Variants in TRIM71 observed in about 807,000 individuals in gnomAD.
TRIM71 encodes tripartite motif containing 71, also known as E3 ubiquitin-protein ligase TRIM71.
TRIM71 carries 9 observed loss-of-function variants against 61.2 expected under a neutral mutation model. The observed-to-expected ratio is 0.15, with a 90% confidence interval of 0.09 to 0.26. TRIM71 has a LOEUF of 0.26. Ranked by LOEUF, TRIM71 falls within the 10% of genes least tolerant of loss-of-function variation. TRIM71 has a pLI of 1.00. For missense variants in TRIM71, 998 were observed against 1,238.7 expected (o/e 0.81, Z 2.92); for synonymous variants, 645 against 553.2 (o/e 1.17, Z -2.33).
Position 32,885,975 on chromosome 3 carries a change from G to A in TRIM71, c.1062G>A (p.Glu354=). 6.2e-7 allele frequency: 1 copy of A among 1,614,190 alleles called. No individual in the cohort carries two copies. The highest frequency in any genetic ancestry group is 8.5e-7 in the Non-Finnish European group (1 of 1,180,028). ...EQAQTVAEQV[E]MKAKVVQSEV... ...CCCAGACGGTGGCGGAACAGGTGGA[G>A]ATGAAGGCGAAGGTTGTGCAGTCGG... Residue 354 remains glutamate (E), a synonymous_variant, in exon 3 of 4, where the codon GAG becomes GAA. Transcript: ENST00000383763.
chr3:32,850,721 G>A (rs1003970438), intron 1 of TRIM71, among the ~76,000 whole-genome samples: 3 of 152,200 alleles, frequency 2.0e-5, no homozygotes, highest in Non-Finnish European at 4.4e-5. Flanking sequence ...TGGAGAGAAC[G>A]CTGCTAAGCA....
At chr3:32,819,836 GGA>G (rs1696107711) in intron 1 of TRIM71, among the ~76,000 whole-genome samples, 1 of 152,230 alleles carries the variant, frequency 6.6e-6, no homozygotes, top group African/African-American at 2.4e-5. Flanking sequence ...CGACTTCCTT[GGA>G]AAAGACCAAG....
chr3:32,892,949 G>T lies in TRIM71; in HGVS notation c.*1138G>T. 6.6e-6 allele frequency: 1 copy of T among 152,280 alleles called. No individual in the cohort carries two copies. The allele number at this position is 152,280 out of a possible 1,614,324, so 9.4% of individuals were successfully genotyped here. The stretch of plus-strand genomic sequence containing the variant: ...GAAAGGGCAGGGTCTGCCCTGACCC[G>T]CGAGTGCATGTTGTTCTGTAGTGCT... On this transcript the variant is annotated 3_prime_UTR_variant, in exon 4 of 4. Coordinates refer to ENST00000383763, the MANE Select transcript of TRIM71 (RefSeq NM_001039111.3).
At chr3:32,829,827 T>C (rs6550162) in intron 1 of TRIM71, among the ~76,000 whole-genome samples, 28,813 of 151,980 alleles carry the variant, frequency 0.19, 2,833 homozygotes, top group Middle Eastern at 0.3. Flanking sequence ...TCTTTCCACA[T>C]TGCTATTTAT....
chr3:32,833,184 T>TA (rs1182178339), intron 1 of TRIM71, among the ~76,000 whole-genome samples: 14,555 of 54,258 alleles, frequency 0.27, 3,058 homozygotes, highest in African/African-American at 0.34. Flanking sequence ...ACTCTGTCTT[T>TA]AAAAAAAAAA....
At chr3:32,872,152 AAAAC>A (rs1436261028) in intron 1 of TRIM71, among the ~76,000 whole-genome samples, 3 of 152,028 alleles carry the variant, frequency 2.0e-5, no homozygotes, top group African/African-American at 4.8e-5. Context: ...CTCTGTCTCA[AAAAC>A]AAACAAATAA....
chr3:32,870,554 T>C (rs765962687), intron 1 of TRIM71, among the ~76,000 whole-genome samples: 1 of 152,126 alleles, frequency 6.6e-6, no homozygotes, highest in African/African-American at 2.4e-5. Flanking sequence ...ACAGGAGGGC[T>C]CTGGTGTCGG....
chr3:32,890,618 A>G lies in TRIM71; in HGVS notation c.1414A>G (p.Ile472Val), dbSNP rs975160648. ...TPPDQALYLA[I>V]KSFGFVSSGA... ...CCCCGATCAGGCACTGTACCTTGCC[A>G]TCAAGTCTTTTGGCTTTGTTAGCAG... Residue 472 changes from isoleucine (I) to valine (V), a missense_variant, in exon 4 of 4, where the codon ATC becomes GTC. By Grantham distance (29) the Ile-to-Val change is conservative (BLOSUM62 3). This residue lies in a region of TRIM71 where 291 missense variants were observed against 431.2 expected (regional missense o/e 0.67). Transcript: ENST00000383763. The surrounding 1 kb of genome is among the most constrained non-coding windows in gnomAD (Gnocchi z 6.2). The G allele has an allele frequency of 1.9e-6, 3 of 1,613,878 alleles. No individual in the cohort carries two copies. The highest frequency in any genetic ancestry group is 2.5e-6 in the Non-Finnish European group (3 of 1,180,054).
chr3:32,840,921 T>C (rs888337838), intron 1 of TRIM71, among the ~76,000 whole-genome samples: 3 of 152,124 alleles, frequency 2.0e-5, no homozygotes, highest in African/African-American at 7.2e-5. Context: ...TTTTATCTTA[T>C]CCACAAACTA....
intron 1 of TRIM71, among the ~76,000 whole-genome samples, chr3:32,831,559 GAC>G (rs1696271448): frequency 1.2e-5 from 1 of 82,368 alleles, no homozygotes; most frequent in East Asian, 3.7e-4. Flanking sequence ...TTTTTTTTGA[GAC>G]AGAGTCTCGC....
chr3:32,874,083 G>A (rs1696827508), intron 2 of TRIM71, 98 bp downstream of exon 2: 3 of 1,331,716 alleles, frequency 2.3e-6, no homozygotes, highest in Admixed American at 2.2e-5. Flanking sequence ...CAGTGTGGGG[G>A]GTGGAATAGT....
chr3:32,893,661 A>C lies in TRIM71; in HGVS notation c.*1850A>C, dbSNP rs1697050654. 2 of 152,236 alleles carry C rather than the reference A, an allele frequency of 1.3e-5. No individual in the cohort carries two copies. The highest frequency in any genetic ancestry group is 2.4e-5 in the African/African-American group (1 of 41,464). The allele number at this position is 152,236 out of a possible 1,614,324, so 9.4% of individuals were successfully genotyped here. A position where few individuals can be genotyped will look rare whatever the true frequency, so the allele number is the denominator to read the frequency against. The stretch of plus-strand genomic sequence containing the variant: ...TGCAAAATGGGTATCGTTTTAAATG[A>C]GCAGAACAGATTAACAAATGGAGCA... On this transcript the variant is annotated 3_prime_UTR_variant, in exon 4 of 4. Transcript: ENST00000383763.
At chr3:32,887,928 C>T (rs184681744) in intron 3 of TRIM71, among the ~76,000 whole-genome samples, 4 of 152,312 alleles carry the variant, frequency 2.6e-5, no homozygotes, top group African/African-American at 7.2e-5. Context: ...GACGCTTATT[C>T]TGAAATAGCC....
chr3:32,827,959 C>G (rs748818847), intron 1 of TRIM71, among the ~76,000 whole-genome samples: 1 of 152,176 alleles, frequency 6.6e-6, no homozygotes, highest in South Asian at 2.1e-4. Flanking sequence ...TCTTTTGGGA[C>G]TAATTGGGAT....
At chr3:32,882,770 G>T (rs534039187) in intron 2 of TRIM71, among the ~76,000 whole-genome samples, 7 of 152,208 alleles carry the variant, frequency 4.6e-5, no homozygotes, top group Non-Finnish European at 1.0e-4. Context: ...TCAAACTCGT[G>T]GGCTTAAGCT....
At chr3:32,850,036 CAA>C (rs1696520736) in intron 1 of TRIM71, among the ~76,000 whole-genome samples, 1 of 152,150 alleles carries the variant, frequency 6.6e-6, no homozygotes, top group Admixed American at 6.5e-5. Context: ...AAAAATGAAA[CAA>C]AACCCCACGC....
At chr3:32,823,557 A>G (rs1441791347) in intron 1 of TRIM71, among the ~76,000 whole-genome samples, 2 of 152,220 alleles carry the variant, frequency 1.3e-5, no homozygotes, top group Non-Finnish European at 2.9e-5. Flanking sequence ...AAGACAAGAT[A>G]TTTGGGGAAA....
At chr3:32,880,956 C>T (rs1405023077) in intron 2 of TRIM71, among the ~76,000 whole-genome samples, 1 of 151,900 alleles carries the variant, frequency 6.6e-6, no homozygotes, top group African/African-American at 2.4e-5. Context: ...GGAAGAAACC[C>T]ACGGACAATT....
At chr3:32,851,616 T>G in intron 1 of TRIM71, among the ~76,000 whole-genome samples, 1 of 152,078 alleles carries the variant, frequency 6.6e-6, no homozygotes, top group Non-Finnish European at 1.5e-5. Context: ...GTAGCTGGGA[T>G]TACAAGTGCC....
Sources: gnomAD v4.1 joint callset for allele counts (sites outside exome capture counted in the v4.1 genomes callset) on GRCh38, gnomAD v4.1.1 for gene constraint, gnomAD v4.1.1 regional missense constraint, Gnocchi (gnomAD v3.1) non-coding constraint, MANE v1.5 for transcripts, NCBI Gene and HGNC (gene_info 2026-07-23, HGNC 2026-07-21) for gene names.